TMEM181: variants seen among roughly 807,000 people sequenced by gnomAD.
The protein encoded by TMEM181 is G protein-coupled receptor 178.
Under a neutral mutation model 71.9 loss-of-function variants are expected in TMEM181, and 39 were observed. The observed-to-expected ratio is 0.54, with a 90% CI of 0.42 to 0.71. The LOEUF (loss-of-function observed/expected upper bound fraction) is 0.71. TMEM181 is among the 30% of genes least tolerant of loss of function. TMEM181 has a pLI of 0.00. For missense variants in TMEM181, 595 were observed against 583.0 expected, an observed-to-expected ratio of 1.02 and a Z score of -0.21; for synonymous variants, 245 against 228.8, an observed-to-expected ratio of 1.07 and a Z score of -0.64.
At chr6:158,552,836 A>AAAC (rs4022178) in intron 1 of TMEM181, among the ~76,000 whole-genome samples, 92,146 of 151,710 alleles carry the variant, frequency 0.61, 28,282 homozygotes, top group East Asian at 0.72. Flanking sequence ...CGGAATGAAA[A>AAAC]AACATTTCTG....
At chr6:158,559,977 CGAA>C, upstream of TMEM181, 3 of 897,986 alleles carry the variant, frequency 3.3e-6, no homozygotes, top group Middle Eastern at 1.7e-3. Flanking sequence ...CACGGGGCCA[CGAA>C]GGAGGGCCAC....
chr6:158,574,558 A>G (rs144061740), intron 2 of TMEM181, among the ~76,000 whole-genome samples: 494 of 152,242 alleles, frequency 3.2e-3, no homozygotes, highest in African/African-American at 0.011. Context: ...TTCTGTCTCA[A>G]ACGTCCATGA....
chr6:158,601,595 C>T lies in TMEM181; in HGVS notation c.493-3672C>T, dbSNP rs369977015. Among the ~76,000 whole-genome samples the T allele has an allele frequency of 8.2e-4, 125 of 152,080 alleles. 1 individual carries two copies. Among genetic ancestry groups the T allele is most frequent in the African/African-American group, 2.7e-3 (111 of 41,480 alleles). On this transcript the variant is annotated intron_variant, in intron 6 of 16. Transcript: ENST00000684151. Reference sequence around the variant, plus strand: ...CCAATATGATGAAGCCCCGTCTCGACTAAAAATACAAAAATTAGCTGAGAG... The same window carrying T: ...CCAATATGATGAAGCCCCGTCTCGATTAAAAATACAAAAATTAGCTGAGAG...
At chr6:158,626,223 G>C (rs1250506370) in intron 13 of TMEM181, among the ~76,000 whole-genome samples, 2 of 152,318 alleles carry the variant, frequency 1.3e-5, no homozygotes, top group African/African-American at 4.8e-5. Flanking sequence ...GTCAGCCTGA[G>C]GTCTCCCAGG....
intron 10 of TMEM181, among the ~76,000 whole-genome samples, chr6:158,619,685 A>C (rs572767858): frequency 1.6e-4 from 25 of 152,290 alleles, no homozygotes; most frequent in African/African-American, 4.8e-4. Context: ...CCTGGCCAAC[A>C]TGGTGAAATG....
At chr6:158,612,082 G>A (rs1200465245) in intron 10 of TMEM181, among the ~76,000 whole-genome samples, 1 of 151,996 alleles carries the variant, frequency 6.6e-6, no homozygotes, top group Non-Finnish European at 1.5e-5. Flanking sequence ...CCATTTTTGG[G>A]GGCCCATTTA....
intron 10 of TMEM181, chr6:158,610,496 G>A (rs909431805): frequency 2.7e-6 from 1 of 367,304 alleles, no homozygotes; most frequent in Non-Finnish European, 4.7e-6. Flanking sequence ...GTGGGTATCA[G>A]TGAAGCCCTG....
At chr6:158,607,189 G>C in intron 7 of TMEM181, 55 bp from the exon 8 acceptor site, 1 of 1,436,168 alleles carries the variant, frequency 7.0e-7, no homozygotes, top group Non-Finnish European at 9.8e-7. Context: ...GTGAGCAAAG[G>C]CTGCAGGCAA....
chr6:158,587,888 T>TA (rs746390340), intron 5 of TMEM181, among the ~76,000 whole-genome samples: 53 of 152,218 alleles, frequency 3.5e-4, no homozygotes, highest in Non-Finnish European at 7.1e-4. Context: ...GACAAATTCT[T>TA]AAACTCGCAA....
intron 6 of TMEM181, among the ~76,000 whole-genome samples, chr6:158,600,881 A>G (rs1488392080): frequency 6.6e-6 from 1 of 152,166 alleles, no homozygotes; most frequent in Non-Finnish European, 1.5e-5. Flanking sequence ...CTTTCTTAAG[A>G]GTTACGGTTC....
upstream of TMEM181, among the ~76,000 whole-genome samples, chr6:158,558,834 C>A (rs1022834049): frequency 6.6e-6 from 1 of 152,088 alleles, no homozygotes; most frequent in African/African-American, 2.4e-5. Context: ...GGGTTGGGGA[C>A]CCCTGCTCTA....
intron 5 of TMEM181, among the ~76,000 whole-genome samples, chr6:158,587,166 C>A (rs778578467): frequency 6.6e-6 from 1 of 152,234 alleles, no homozygotes; most frequent in Non-Finnish European, 1.5e-5. Flanking sequence ...GCACACAGGA[C>A]TTTGTTTTAA....
chr6:158,544,498 C>T (rs917693166), intron 1 of TMEM181, among the ~76,000 whole-genome samples: 21 of 152,134 alleles, frequency 1.4e-4, no homozygotes, highest in African/African-American at 1.9e-4. Context: ...TGGGGTATCA[C>T]GGTCACGTAG....
At position 158,625,121 on chromosome 6, in the gene TMEM181, C is replaced by G. The variant is rs765374130; in HGVS notation, c.972C>G (p.Phe324Leu). The change falls in exon 12 of 17, where the codon TTC becomes TTG. Residue 324 changes from phenylalanine (F) to leucine (L), a missense_variant. Coordinates refer to ENST00000684151, the MANE Select transcript of TMEM181 (RefSeq NM_001376852.1). The part of the protein sequence containing the change: ...TGNFQGMKVF[F>L]MVVAAVYILY... ...CCTCCTAGGGAATGAAGGTCTTCTT[C>G]ATGGTGGTGGCAGCGGTGTACATTC... The G allele has an allele frequency of 6.2e-7, 1 of 1,614,126 alleles. No individual in the cohort carries two copies. Among genetic ancestry groups the G allele is most frequent in the South Asian group, 1.1e-5 (1 of 91,084 alleles).
intron 10 of TMEM181, chr6:158,610,231 T>C (rs888049997): frequency 1.2e-5 from 3 of 242,736 alleles, no homozygotes; most frequent in African/African-American, 4.6e-5. Context: ...AGTCGTGGGG[T>C]GCCTTAAGGC....
intron 6 of TMEM181, among the ~76,000 whole-genome samples, chr6:158,594,846 C>T (rs1409687040): frequency 6.6e-6 from 1 of 152,156 alleles, no homozygotes; most frequent in Non-Finnish European, 1.5e-5. Flanking sequence ...CATCACCATG[C>T]CCGGATACTT....
At chr6:158,599,720 CG>C (rs1262555112) in intron 6 of TMEM181, among the ~76,000 whole-genome samples, 5 of 152,176 alleles carry the variant, frequency 3.3e-5, no homozygotes, top group African/African-American at 1.2e-4. Context: ...CCCCAGCTCA[CG>C]GGATCCAGCG....
chr6:158,552,763 C>T (rs990220138), intron 1 of TMEM181, among the ~76,000 whole-genome samples: 1 of 152,186 alleles, frequency 6.6e-6, no homozygotes, highest in Non-Finnish European at 1.5e-5. Flanking sequence ...AGTTGAGCTT[C>T]TGAGAGATGA....
At chr6:158,610,985 T>G (rs1785270512) in intron 10 of TMEM181, 1 of 420,192 alleles carries the variant, frequency 2.4e-6, no homozygotes, top group Non-Finnish European at 4.7e-6. Context: ...ACCAGTTGCT[T>G]CCTGAAGAGG....
Sources: allele counts gnomAD v4.1 joint callset (sites outside exome capture counted in the v4.1 genomes callset), GRCh38; gene constraint gnomAD v4.1.1; transcripts MANE v1.5; gene names NCBI Gene and HGNC (gene_info 2026-07-23, HGNC 2026-07-21).